XYLT1: variants seen among roughly 807,000 people sequenced by gnomAD.
XYLT1 encodes beta-D-xylosyltransferase 1.
In XYLT1, 36 loss-of-function variants were observed where a neutral mutation model predicts 91.3. The observed-to-expected ratio is 0.39, with a 90% CI of 0.30 to 0.52. The LOEUF (loss-of-function observed/expected upper bound fraction) is 0.52, where lower values mean the gene tolerates loss of function less well. XYLT1 is among the 20% of genes least tolerant of loss of function. The pLI is 0.68. For synonymous variants in XYLT1, 588 were observed against 532.0 expected, an observed-to-expected ratio of 1.11 and a Z score of -1.45; for missense variants, 1,242 against 1,284.5, an observed-to-expected ratio of 0.97 and a Z score of 0.51.
chr16:17,340,390 GCCA>G (rs2035049122), intron 2 of XYLT1, among the ~76,000 whole-genome samples: 1 of 152,266 alleles, frequency 6.6e-6, no homozygotes, highest in Non-Finnish European at 1.5e-5. Context: ...GTCTCCAGCT[GCCA>G]CCACATGGGC....
rs144420327 is a variant in XYLT1 at position 17,187,151 on chromosome 16, G to A, written c.1289+11061C>T. ...TCATGCCTGTAATCCCAGGACTTTG[G>A]GAGGCCGAGGTGGGCAGATCACTTG... On this transcript the variant is annotated intron_variant, in intron 5 of 11. Coordinates refer to ENST00000261381, the MANE Select transcript of XYLT1 (RefSeq NM_022166.4). Among the ~76,000 whole-genome samples, 705 of 152,140 alleles carry A rather than the reference G, an allele frequency of 4.6e-3. 2 individuals carry two copies. The highest frequency in any genetic ancestry group is 0.016 in the African/African-American group (671 of 41,502).
In XYLT1 at chr16:17,464,049, ATAGAGAG is replaced by A. The variant is rs2036854650; in HGVS notation, c.363+6378_363+6384del. Among the ~76,000 whole-genome samples, 7 of 152,328 alleles carry A rather than the reference ATAGAGAG, an allele frequency of 4.6e-5. No individual in the cohort carries two copies. The South Asian group carries it at 1.5e-3, about 32-fold the overall frequency. ...GCTAAAAAAAGTAGATGACAAGAAG[ATAGAGAG>A]TAGATAGGTGATTAGGGGAGTAGGG... On this transcript the variant is annotated intron_variant, in intron 1 of 11. Transcript: ENST00000261381.
At chr16:17,121,225 G>A (rs1466589256) in intron 10 of XYLT1, among the ~76,000 whole-genome samples, 1 of 152,204 alleles carries the variant, frequency 6.6e-6, no homozygotes, top group African/African-American at 2.4e-5. Flanking sequence ...ACTGCCCTTG[G>A]ATCCTCCAAA....
intron 2 of XYLT1, among the ~76,000 whole-genome samples, chr16:17,330,803 AAAAAG>A (rs1269907229): frequency 3.6e-4 from 55 of 151,912 alleles, no homozygotes; most frequent in African/African-American, 1.2e-3. Context: ...CGGAAAAAAA[AAAAAG>A]AAAAGAAAAG....
Position 17,138,376 on chromosome 16 carries a change from C to A in XYLT1, c.1743G>T (p.Pro581=). The A allele has an allele frequency of 1.2e-6, 2 of 1,613,188 alleles. No individual in the cohort carries two copies. Among genetic ancestry groups the A allele is most frequent in the Non-Finnish European group, 1.7e-6 (2 of 1,179,410 alleles). ...TCACCTGGAAGCGGTGGAAGTCCTG[C>A]GGCTTGAAGTCATTGGGGGAGCAGC... The part of the protein sequence containing the change: ...WCGCSPNDFK[P]QDFHRFQQTA... The change falls in exon 8 of 12, where the codon CCG becomes CCT. Residue 581 remains proline, a synonymous_variant. Coordinates refer to ENST00000261381, the MANE Select transcript of XYLT1 (RefSeq NM_022166.4).
intron 3 of XYLT1, among the ~76,000 whole-genome samples, chr16:17,244,217 G>A (rs1445706219): frequency 6.6e-6 from 1 of 152,150 alleles, no homozygotes; most frequent in Admixed American, 6.5e-5. Context: ...GCAGAAGTGT[G>A]ATTTCTCAGG....
At chr16:17,263,704 TTTTTC>T (rs954686144) in intron 2 of XYLT1, among the ~76,000 whole-genome samples, 2 of 151,966 alleles carry the variant, frequency 1.3e-5, no homozygotes, top group East Asian at 1.9e-4. Context: ...TCAATTCATT[TTTTTC>T]TTTTCTTTTC....
chr16:17,466,608 C>T (rs1210084759), intron 1 of XYLT1, among the ~76,000 whole-genome samples: 2 of 152,128 alleles, frequency 1.3e-5, no homozygotes. Flanking sequence ...TGACCACCCA[C>T]CCTTCTGGAA....
intron 11 of XYLT1, among the ~76,000 whole-genome samples, chr16:17,116,157 G>C (rs1236938325): frequency 1.6e-4 from 24 of 152,164 alleles, no homozygotes; most frequent in Admixed American, 1.6e-3. Context: ...GGTAGGATTT[G>C]AGCAGGGAGA....
Position 17,470,472 on chromosome 16 carries a change from G to A in XYLT1, c.325C>T (p.Gln109Ter). ...GGGPGEPRGQQPASRGALPAR... is the reference protein window; with the variant it reads ...GGGPGEPRGQ ...GGCAGTGCCCCCCGGCTGGCCGGCT[G>A]CTGTCCCCGCGGTTCTCCGGGGCCG... is the stretch of plus-strand genomic sequence containing the variant. The change falls in exon 1 of 12, where the codon CAG (glutamine) becomes TAG (stop). Residue 109 changes from glutamine to a stop codon, truncating the protein, a stop_gained. Coordinates refer to ENST00000261381, the MANE Select transcript of XYLT1 (RefSeq NM_022166.4). LOFTEE classifies it high-confidence loss of function. 8.1e-7 allele frequency: 1 copy of A among 1,232,922 alleles called. No homozygotes were observed. Among genetic ancestry groups the A allele is most frequent in the Non-Finnish European group, 1.0e-6 (1 of 988,718 alleles). The allele number at this position is 1,232,922 out of a possible 1,614,324, so 76.4% of individuals were successfully genotyped here.
At chr16:17,383,429 C>T (rs902186033) in intron 1 of XYLT1, among the ~76,000 whole-genome samples, 2 of 151,844 alleles carry the variant, frequency 1.3e-5, no homozygotes, top group Non-Finnish European at 2.9e-5. Flanking sequence ...TCTCTCTAAG[C>T]ACCCATCTTC....
chr16:17,382,006 G>A (rs2035688007), intron 1 of XYLT1, among the ~76,000 whole-genome samples: 1 of 151,808 alleles, frequency 6.6e-6, no homozygotes, highest in South Asian at 2.1e-4. Context: ...GGCACAGAGA[G>A]GCCACCTTCC....
chr16:17,292,160 AATATTATAT>A (rs1414956026), intron 2 of XYLT1, among the ~76,000 whole-genome samples: 2 of 151,948 alleles, frequency 1.3e-5, no homozygotes, highest in African/African-American at 4.8e-5. Context: ...AAAGGTTCTA[AATATTATAT>A]ATATTATATA....
rs549104121 is a variant in XYLT1, at chr16:17,134,600, C to G, written c.1900G>C (p.Val634Leu). The change falls in exon 9 of 12, where the codon GTC becomes CTC. Residue 634 changes from valine to leucine, a missense_variant. Val to Leu is a conservative substitution (Grantham distance 32). Around this residue, in one of 3 missense-constraint regions of XYLT1, gnomAD observed 511 missense variants for 497.0 expected, o/e 1.03. Coordinates refer to ENST00000261381, the MANE Select transcript of XYLT1 (RefSeq NM_022166.4). ...TGGATGCCGTCAGGCTCATCGTAGA[C>G]ATTCTCCCAGTAGGAGCGCAGGCCC... ...TPGLRSYWENVYDEPDGIHSL... is the reference protein window; with the variant it reads ...TPGLRSYWENLYDEPDGIHSL... 16 of 1,614,208 alleles carry G rather than the reference C, an allele frequency of 9.9e-6. No homozygotes were observed. The African/African-American group carries it at 2.1e-4, about 22-fold the overall frequency.
At chr16:17,152,396 G>A (rs1302834187) in intron 6 of XYLT1, among the ~76,000 whole-genome samples, 1 of 152,208 alleles carries the variant, frequency 6.6e-6, no homozygotes, top group African/African-American at 2.4e-5. Flanking sequence ...TGAACGCATC[G>A]GTTGGGTTTA....
intron 1 of XYLT1, among the ~76,000 whole-genome samples, chr16:17,433,084 A>G (rs1389105476): frequency 6.6e-6 from 1 of 152,190 alleles, no homozygotes; most frequent in Non-Finnish European, 1.5e-5. Flanking sequence ...AGTGACGGTA[A>G]TGATGACAAA....
chr16:17,285,773 T>C (rs567646138), intron 2 of XYLT1, among the ~76,000 whole-genome samples: 11 of 152,156 alleles, frequency 7.2e-5, no homozygotes, highest in Non-Finnish European at 1.2e-4. Context: ...CCTGAATTGC[T>C]TGTTAACATG....
At chr16:17,372,513 A>T (rs1266246286) in intron 1 of XYLT1, among the ~76,000 whole-genome samples, 2 of 152,220 alleles carry the variant, frequency 1.3e-5, no homozygotes, top group Non-Finnish European at 2.9e-5. Context: ...TGAGGACTAC[A>T]ACTCTCCCAA....
intron 3 of XYLT1, among the ~76,000 whole-genome samples, chr16:17,203,006 C>T (rs8052055): frequency 0.53 from 80,608 of 151,858 alleles, 22,679 homozygotes; most frequent in South Asian, 0.76. Flanking sequence ...CTATTATCCC[C>T]GCTTTCCAAA....
Sources: gnomAD v4.1 joint callset for allele counts (sites outside exome capture counted in the v4.1 genomes callset) on GRCh38, gnomAD v4.1.1 for gene constraint, gnomAD v4.1.1 regional missense constraint, MANE v1.5 for transcripts, NCBI Gene and HGNC (gene_info 2026-07-23, HGNC 2026-07-21) for gene names.